SLIT1: variants seen among roughly 807,000 people sequenced by gnomAD.
SLIT1 encodes slit homolog 1 protein.
In SLIT1, 66 loss-of-function variants were observed where a neutral mutation model predicts 186.1. The ratio of observed to expected loss-of-function variants is 0.35; its 90% CI spans 0.29 to 0.44. The LOEUF (loss-of-function observed/expected upper bound fraction) is 0.44, where lower values mean the gene tolerates loss of function less well. Among genes scored for constraint, SLIT1 ranks in the 20% least tolerant of loss-of-function variants. The pLI, the probability that SLIT1 is intolerant of heterozygous loss-of-function variation, is 1.00. For synonymous variants in SLIT1, 761 were observed against 833.8 expected (o/e 0.91, Z 1.50); for missense variants, 1,638 against 2,037.4 (o/e 0.80, Z 3.77).
chr10:97,164,673 G>A (rs570077100), intron 2 of SLIT1, 146 bp downstream of exon 2: 22 of 673,942 alleles, frequency 3.3e-5, no homozygotes, highest in East Asian at 1.6e-4. Context: ...CACCCCACCC[G>A]ACACCCCTCA....
chr10:97,143,739 G>T (rs1164663259), intron 4 of SLIT1, among the ~76,000 whole-genome samples: 2 of 152,188 alleles, frequency 1.3e-5, no homozygotes, highest in Admixed American at 6.5e-5. Context: ...GAATGCTGAA[G>T]AGTCTTTGTG....
At chr10:97,100,632 C>CAA (rs10666094) in intron 4 of SLIT1, among the ~76,000 whole-genome samples, 79,348 of 141,754 alleles carry the variant, frequency 0.56, 22,826 homozygotes, top group East Asian at 0.76. Context: ...GACTCTGTCT[C>CAA]AAAAAAAAAA....
chr10:97,179,564 G>T (rs947393064), intron 1 of SLIT1, among the ~76,000 whole-genome samples: 2 of 152,212 alleles, frequency 1.3e-5, no homozygotes, highest in African/African-American at 4.8e-5. Context: ...GATTCAAACT[G>T]GGCCATTCTC....
intron 3 of SLIT1, among the ~76,000 whole-genome samples, chr10:97,160,948 T>G (rs1348198043): frequency 3.3e-5 from 5 of 152,166 alleles, no homozygotes; most frequent in Admixed American, 3.3e-4. Flanking sequence ...CTCGAACTCC[T>G]GACCTCAAGT....
At chr10:97,105,573 G>A (rs532995786) in intron 4 of SLIT1, among the ~76,000 whole-genome samples, 8 of 152,322 alleles carry the variant, frequency 5.3e-5, no homozygotes, top group African/African-American at 1.9e-4. Context: ...ACATATTAAA[G>A]ACTGCTGAAC....
chr10:97,144,975 G>A (rs950300519), intron 4 of SLIT1, among the ~76,000 whole-genome samples: 2 of 152,100 alleles, frequency 1.3e-5, no homozygotes, highest in Non-Finnish European at 2.9e-5. Context: ...CAGATAATCA[G>A]TACCCAGGAT....
chr10:97,174,969 A>ATG (rs1167006683), intron 1 of SLIT1, among the ~76,000 whole-genome samples: 1 of 152,216 alleles, frequency 6.6e-6, no homozygotes, highest in Non-Finnish European at 1.5e-5. Context: ...CTACTTTAAA[A>ATG]TGTATATATT....
At chr10:97,108,852 C>T (rs145666399) in intron 4 of SLIT1, among the ~76,000 whole-genome samples, 2,053 of 136,954 alleles carry the variant, frequency 0.015, 39 homozygotes, top group African/African-American at 0.053. Flanking sequence ...CGCGCCACTG[C>T]GCTCCAGCCT....
At chr10:97,046,561 G>C in intron 18 of SLIT1, 93 bp downstream of exon 18, 1 of 1,310,560 alleles carries the variant, frequency 7.6e-7, no homozygotes, top group African/African-American at 1.5e-5. Flanking sequence ...CTGGGCCCAG[G>C]GGAGGGGCTC....
At chr10:97,007,145 T>C (rs1848366239) in intron 31 of SLIT1, among the ~76,000 whole-genome samples, 1 of 152,048 alleles carries the variant, frequency 6.6e-6, no homozygotes, top group East Asian at 1.9e-4. Flanking sequence ...ACCAACCTCA[T>C]AGAAATACAG....
At position 96,998,585 on chromosome 10, in the gene SLIT1, G is replaced by A. The variant is rs996539191; in HGVS notation, c.*2527C>T. The A allele has an allele frequency of 1.3e-5, 2 of 152,304 alleles. No individual in the cohort carries two copies. The highest frequency in any genetic ancestry group is 3.8e-4 in the East Asian group (2 of 5,196). 9.4% of individuals were successfully genotyped at this position (152,304 alleles called of 1,614,324 possible). A position where few individuals can be genotyped will look rare whatever the true frequency, so the allele number is the denominator to read the frequency against. Reference sequence around the variant, plus strand: ...CAGTAGCCACCTTCCGGACTTTCAAGCGGAGTGTGAATAGGCAACGTGAGT... The same window carrying A: ...CAGTAGCCACCTTCCGGACTTTCAAACGGAGTGTGAATAGGCAACGTGAGT... On this transcript the variant is annotated 3_prime_UTR_variant, in exon 37 of 37. Coordinates refer to ENST00000266058, the MANE Select transcript of SLIT1 (RefSeq NM_003061.3).
At chr10:97,071,418 C>T (rs866942053) in intron 4 of SLIT1, among the ~76,000 whole-genome samples, 6 of 152,186 alleles carry the variant, frequency 3.9e-5, no homozygotes, top group East Asian at 3.8e-4. Flanking sequence ...AACGCTGGGC[C>T]GGCACTCACA....
intron 4 of SLIT1, among the ~76,000 whole-genome samples, chr10:97,093,895 G>A (rs567251004): frequency 6.6e-6 from 1 of 152,348 alleles, no homozygotes; most frequent in East Asian, 1.9e-4. Context: ...CTGAGATGAA[G>A]AGAATAGGGC....
At chr10:97,132,762 T>C (rs1207219308) in intron 4 of SLIT1, among the ~76,000 whole-genome samples, 1 of 152,198 alleles carries the variant, frequency 6.6e-6, no homozygotes, top group African/African-American at 2.4e-5. Flanking sequence ...GCCTCTGAGA[T>C]ATTATACCTT....
chr10:97,031,630 TG>T lies in SLIT1; in HGVS notation c.2485del (p.Gln829ArgfsTer27). ...ALQCIPPLAF[Q>X]GLRSLRLLSL... ...CAGCAGGCGCAGGGAGCGGAGTCCC[TG>T]GAAGGCCAAAGGCGGGATGCACTGC... On this transcript the variant is annotated frameshift_variant, in exon 24 of 37. Transcript: ENST00000266058. LOFTEE classifies it high-confidence loss of function. The T allele has an allele frequency of 6.4e-7, 1 of 1,552,124 alleles. No individual in the cohort carries two copies. Among genetic ancestry groups the T allele is most frequent in the Non-Finnish European group, 8.7e-7 (1 of 1,147,124 alleles).
intron 4 of SLIT1, among the ~76,000 whole-genome samples, chr10:97,088,223 C>T (rs1268929799): frequency 4.6e-5 from 7 of 152,156 alleles, no homozygotes; most frequent in Admixed American, 2.0e-4. Flanking sequence ...TCATTCTACA[C>T]GTATGATCTC....
chr10:97,156,959 C>G (rs1431539342), intron 4 of SLIT1, among the ~76,000 whole-genome samples: 1 of 152,188 alleles, frequency 6.6e-6, no homozygotes, highest in African/African-American at 2.4e-5. Flanking sequence ...CATCCCAACT[C>G]AAAATTCAAA....
intron 4 of SLIT1, among the ~76,000 whole-genome samples, chr10:97,076,906 AGTGG>A (rs1849051144): frequency 1.3e-5 from 2 of 152,124 alleles, no homozygotes; most frequent in South Asian, 4.2e-4. Flanking sequence ...GTGAAGGGGG[AGTGG>A]GTCCCGCCTG....
intron 25 of SLIT1, among the ~76,000 whole-genome samples, chr10:97,023,998 C>T (rs777432442): frequency 1.1e-4 from 16 of 151,758 alleles, no homozygotes; most frequent in Admixed American, 2.6e-4. Context: ...AGGGAGGGAG[C>T]GAGGGAAGGA....
Sources: gnomAD v4.1 joint callset for allele counts (sites outside exome capture counted in the v4.1 genomes callset) on GRCh38, gnomAD v4.1.1 for gene constraint, MANE v1.5 for transcripts, NCBI Gene and HGNC (gene_info 2026-07-23, HGNC 2026-07-21) for gene names.